Variants in CDH13 observed in about 807,000 individuals in gnomAD.
CDH13 encodes cadherin 13.
In CDH13, 24 loss-of-function variants were observed where a neutral mutation model predicts 63.8. That is an observed-to-expected ratio of 0.38 (90% confidence interval 0.27 to 0.53). The LOEUF (loss-of-function observed/expected upper bound fraction) is 0.53, where lower values mean the gene tolerates loss of function less well. Ranked by LOEUF, CDH13 falls within the 20% of genes least tolerant of loss-of-function variation. CDH13 has a pLI of 0.85. For missense variants in CDH13, 1,049 were observed against 903.1 expected (o/e 1.16, Z -2.07); for synonymous variants, 503 against 355.3 (o/e 1.42, Z -4.67).
chr16:83,745,518 G>T (rs1912495357), intron 10 of CDH13, among the ~76,000 whole-genome samples: 1 of 152,206 alleles, frequency 6.6e-6, no homozygotes, highest in Admixed American at 6.5e-5. Flanking sequence ...GCTCTGGATG[G>T]TGGCCAGGCG....
chr16:83,014,302 C>G (rs1310879294), intron 2 of CDH13, among the ~76,000 whole-genome samples: 1 of 135,204 alleles, frequency 7.4e-6, no homozygotes. Context: ...GGAGACAACT[C>G]TTAGAGCCCA....
chr16:83,333,274 T>C (rs2090516374), intron 5 of CDH13, among the ~76,000 whole-genome samples: 1 of 152,078 alleles, frequency 6.6e-6, no homozygotes, highest in South Asian at 2.1e-4. Context: ...TGGATTACGG[T>C]AATAGAAAAG....
At chr16:83,760,293 A>G (rs1913858627) in intron 11 of CDH13, among the ~76,000 whole-genome samples, 1 of 152,222 alleles carries the variant, frequency 6.6e-6, no homozygotes, top group African/African-American at 2.4e-5. Context: ...CGTTGGAAAC[A>G]TAGTATCAAC....
At chr16:83,602,229 A>T (rs1907915084) in intron 7 of CDH13, among the ~76,000 whole-genome samples, 1 of 150,088 alleles carries the variant, frequency 6.7e-6, no homozygotes, top group Non-Finnish European at 1.5e-5. Context: ...CAGTAAATAT[A>T]TTGTCCCCAT....
chr16:83,084,501 A>C (rs144912775), intron 3 of CDH13, among the ~76,000 whole-genome samples: 17 of 152,302 alleles, frequency 1.1e-4, no homozygotes, highest in African/African-American at 3.4e-4. Context: ...AACTTTCAAG[A>C]TTATGGGGAA....
At chr16:83,451,201 A>G (rs1285899566) in intron 6 of CDH13, among the ~76,000 whole-genome samples, 2 of 152,224 alleles carry the variant, frequency 1.3e-5, no homozygotes, top group East Asian at 1.9e-4. Context: ...GCAATTTATA[A>G]AGGAAAGAAG....
intron 5 of CDH13, among the ~76,000 whole-genome samples, chr16:83,251,454 T>C (rs1047318465): frequency 1.1e-4 from 16 of 152,178 alleles, no homozygotes; most frequent in African/African-American, 3.9e-4. Context: ...AGCTGGTAAG[T>C]GGTGAGGCCA....
At chr16:83,324,040 CTTT>C (rs200015057) in intron 5 of CDH13, among the ~76,000 whole-genome samples, 1 of 141,350 alleles carries the variant, frequency 7.1e-6, no homozygotes, top group Non-Finnish European at 1.5e-5. Flanking sequence ...TCTTCTTCTT[CTTT>C]TTTTTTTTTT....
intron 3 of CDH13, among the ~76,000 whole-genome samples, chr16:83,075,609 T>A (rs1251040076): frequency 6.6e-6 from 1 of 152,220 alleles, no homozygotes; most frequent in Non-Finnish European, 1.5e-5. Context: ...ACTTTGATGT[T>A]CTGTGTGAGG....
At chr16:83,421,344 T>C (rs971478794) in intron 6 of CDH13, among the ~76,000 whole-genome samples, 1 of 152,236 alleles carries the variant, frequency 6.6e-6, no homozygotes, top group Non-Finnish European at 1.5e-5. Flanking sequence ...TTAATTCATA[T>C]AAAGTGATTG....
chr16:83,427,223 T>C (rs2071938110), intron 6 of CDH13, among the ~76,000 whole-genome samples: 1 of 152,092 alleles, frequency 6.6e-6, no homozygotes. Flanking sequence ...CTAAATATGT[T>C]TCTTACATGG....
intron 1 of CDH13, among the ~76,000 whole-genome samples, chr16:82,851,338 G>C (rs1171530776): frequency 6.6e-6 from 1 of 151,490 alleles, no homozygotes; most frequent in Non-Finnish European, 1.5e-5. Flanking sequence ...GGGAGACTGA[G>C]TCTGGAGAAT....
At chr16:82,674,302 C>T (rs976683649) in intron 1 of CDH13, among the ~76,000 whole-genome samples, 3 of 152,118 alleles carry the variant, frequency 2.0e-5, no homozygotes, top group Non-Finnish European at 4.4e-5. Context: ...TATGAAGATC[C>T]CTTTCTTCAG....
chr16:82,869,406 G>T lies in CDH13; in HGVS notation c.157+10933G>T, dbSNP rs144901469. On this transcript the variant is annotated intron_variant, in intron 2 of 13. Coordinates refer to ENST00000567109, the MANE Select transcript of CDH13 (RefSeq NM_001257.5). Reference sequence around the variant, plus strand: ...TGTAGTAGTGAGAAGTGCGGAAGGGGTAGAACAAGGAGTTTGATATGTAAC... The same window carrying T: ...TGTAGTAGTGAGAAGTGCGGAAGGGTTAGAACAAGGAGTTTGATATGTAAC... Among the ~76,000 whole-genome samples, 1,297 of 151,910 alleles carry T rather than the reference G, an allele frequency of 8.5e-3. 19 individuals carry two copies. The highest frequency in any genetic ancestry group is 0.031 in the African/African-American group (1,265 of 41,406).
At chr16:83,413,450 C>A (rs534012050) in intron 6 of CDH13, among the ~76,000 whole-genome samples, 82 of 152,280 alleles carry the variant, frequency 5.4e-4, no homozygotes, top group Non-Finnish European at 5.4e-4. Context: ...CCTCACCAGG[C>A]AACTAATCAT....
intron 4 of CDH13, among the ~76,000 whole-genome samples, chr16:83,154,700 A>T (rs1180228871): frequency 6.6e-6 from 1 of 152,214 alleles, no homozygotes; most frequent in Non-Finnish European, 1.5e-5. Flanking sequence ...CCATGCCAGG[A>T]TGAAAAAATT....
intron 2 of CDH13, among the ~76,000 whole-genome samples, chr16:82,934,486 C>G (rs761517928): frequency 1.3e-5 from 2 of 152,206 alleles, no homozygotes; most frequent in Non-Finnish European, 2.9e-5. Flanking sequence ...CTGTGACATG[C>G]CCTGCAATTT....
At chr16:82,717,035 G>A (rs1480132728) in intron 1 of CDH13, among the ~76,000 whole-genome samples, 2 of 152,020 alleles carry the variant, frequency 1.3e-5, no homozygotes, top group East Asian at 1.9e-4. Flanking sequence ...TTGGCCAGAT[G>A]CTGCAGTTGT....
At chr16:83,302,413 G>A (rs572257525) in intron 5 of CDH13, among the ~76,000 whole-genome samples, 48 of 152,238 alleles carry the variant, frequency 3.2e-4, no homozygotes, top group African/African-American at 9.6e-4. Context: ...AATATTAGTC[G>A]AATCTGACTT....
Sources: allele counts gnomAD v4.1 joint callset (sites outside exome capture counted in the v4.1 genomes callset), GRCh38; gene constraint gnomAD v4.1.1; transcripts MANE v1.5; gene names NCBI Gene and HGNC (gene_info 2026-07-23, HGNC 2026-07-21).